Variants in MCMBP observed in about 807,000 individuals in gnomAD.
MCMBP encodes minichromosome maintenance complex binding protein, also known as mini-chromosome maintenance complex-binding protein.
MCMBP carries 31 observed loss-of-function variants against 81.3 expected under a neutral mutation model. The observed-to-expected ratio is 0.38, with a 90% confidence interval of 0.29 to 0.51. MCMBP has a LOEUF of 0.51. Among genes scored for constraint, MCMBP ranks in the 20% least tolerant of loss-of-function variants. MCMBP has a pLI of 0.87. For missense variants in MCMBP, 645 were observed against 772.1 expected (o/e 0.84, Z 1.95); for synonymous variants, 267 against 275.9 (o/e 0.97, Z 0.32).
rs1446430868 is a variant in MCMBP at position 119,843,257 on chromosome 10, T to C, written c.997A>G (p.Thr333Ala). 6.2e-7 allele frequency: 1 copy of C among 1,613,500 alleles called. No homozygotes were observed. The highest frequency in any genetic ancestry group is 2.2e-5 in the East Asian group (1 of 44,836). Reference sequence around the variant, plus strand: ...AGGCTGTAACACTTACACTTACAGGTTTTGCTCTCCTCTTTGTTAAGGCAG... The same window carrying C: ...AGGCTGTAACACTTACACTTACAGGCTTTGCTCTCCTCTTTGTTAAGGCAG... The part of the protein sequence containing the change: ...PACLNKEESK[T>A]FVSSFMSELS... Residue 333 changes from threonine to alanine, a missense_variant, in exon 9 of 16, where the codon ACC becomes GCC. By Grantham distance (58) the Thr-to-Ala change is moderately conservative. Transcript: ENST00000369077.
intron 2 of MCMBP, 55 bp downstream of exon 2, chr10:119,859,744 A>C: frequency 4.2e-6 from 5 of 1,199,344 alleles, no homozygotes; most frequent in Non-Finnish European, 4.8e-6. Flanking sequence ...TACTCTACTA[A>C]GAGAAACTGT....
At chr10:119,847,236 TAAGAAAGAAC>T (rs1056486895) in intron 8 of MCMBP, among the ~76,000 whole-genome samples, 1 of 152,094 alleles carries the variant, frequency 6.6e-6, no homozygotes, top group Admixed American at 6.5e-5. Flanking sequence ...GGGAGACGTG[TAAGAAAGAAC>T]ATGATTAAGA....
At chr10:119,839,936 G>C (rs552228018) in intron 11 of MCMBP, among the ~76,000 whole-genome samples, 4 of 152,312 alleles carry the variant, frequency 2.6e-5, no homozygotes, top group African/African-American at 9.6e-5. Flanking sequence ...GGCAGAAGCA[G>C]ATACAAGCAT....
chr10:119,847,745 A>C, intron 7 of MCMBP, 32 bp from the exon 8 acceptor site: 1 of 1,299,022 alleles, frequency 7.7e-7, no homozygotes. Context: ...TCACACTGTT[A>C]GAACAGACAC....
chr10:119,860,267 T>A (rs895597199), intron 1 of MCMBP, among the ~76,000 whole-genome samples: 2 of 152,244 alleles, frequency 1.3e-5, no homozygotes, highest in African/African-American at 4.8e-5. Flanking sequence ...GTAGTTTTTT[T>A]ATCTTTACAA....
intron 1 of MCMBP, among the ~76,000 whole-genome samples, chr10:119,863,138 C>A (rs923778197): frequency 6.6e-6 from 1 of 151,892 alleles, no homozygotes; most frequent in African/African-American, 2.4e-5. Flanking sequence ...TTTTACAGAA[C>A]AAAGGTTTTT....
intron 14 of MCMBP, among the ~76,000 whole-genome samples, chr10:119,833,256 C>T (rs954510463): frequency 6.6e-6 from 1 of 152,002 alleles, no homozygotes; most frequent in African/African-American, 2.4e-5. Flanking sequence ...AACAACCTAC[C>T]AACAGTAACA....
chr10:119,832,990 A>G (rs1852100885), intron 14 of MCMBP, among the ~76,000 whole-genome samples: 1 of 152,212 alleles, frequency 6.6e-6, no homozygotes, highest in African/African-American at 2.4e-5. Flanking sequence ...CCACCTCTGC[A>G]TGACCTGGAG....
rs34585283 is a variant in MCMBP at position 119,867,272 on chromosome 10, G to A, written c.58+5255C>T. Among the ~76,000 whole-genome samples the A allele has an allele frequency of 9.9e-3, 1,185 of 119,110 alleles. 22 individuals are homozygous for A. The highest frequency in any genetic ancestry group is 0.038 in the African/African-American group (1,131 of 30,150). 78.1% of individuals were successfully genotyped at this position (119,110 alleles called of 152,430 possible). On this transcript the variant is annotated intron_variant, in intron 1 of 15. Transcript: ENST00000369077. ...CGCACCACTGCCCTCCAGCCTGGGC[G>A]ACAGAGCGAGACTCCATCTCAAAAA...
chr10:119,860,320 C>A (rs555291586), intron 1 of MCMBP, among the ~76,000 whole-genome samples: 1 of 152,252 alleles, frequency 6.6e-6, no homozygotes, highest in African/African-American at 2.4e-5. Flanking sequence ...TTTATAACTT[C>A]ATTTGGGAAT....
intron 1 of MCMBP, among the ~76,000 whole-genome samples, chr10:119,863,484 C>T (rs1031638854): frequency 2.0e-5 from 3 of 152,072 alleles, no homozygotes; most frequent in African/African-American, 7.2e-5. Context: ...GTAATCCCAG[C>T]ACTTTGGGAG....
intron 6 of MCMBP, among the ~76,000 whole-genome samples, chr10:119,851,518 G>A (rs1188730999): frequency 1.2e-4 from 18 of 151,950 alleles, no homozygotes; most frequent in African/African-American, 3.9e-4. Context: ...TGCAACCTCC[G>A]CCCCTCTGGG....
chr10:119,862,258 G>C (rs1273614762), intron 1 of MCMBP, among the ~76,000 whole-genome samples: 1 of 152,100 alleles, frequency 6.6e-6, no homozygotes, highest in East Asian at 1.9e-4. Context: ...AGTGGGCCAA[G>C]ATTGCCCCAT....
In MCMBP at chr10:119,864,723, G is replaced by A. The variant is rs554995314; in HGVS notation, c.59-4839C>T. Among the ~76,000 whole-genome samples, 291 of 113,172 alleles carry A rather than the reference G, an allele frequency of 2.6e-3. 1 individual carries two copies. The highest frequency in any genetic ancestry group is 4.2e-3 in the Non-Finnish European group (218 of 51,468). The allele number at this position is 113,172 out of a possible 152,430, so 74.2% of individuals were successfully genotyped here. A position where few individuals can be genotyped will look rare whatever the true frequency, so the allele number is the denominator to read the frequency against. Reference sequence around the variant, plus strand: ...GCTCTTCATTTCTAGTTTCATAGGTGGAAGCTTAAATTATTCACTTGAGAC... The same window carrying A: ...GCTCTTCATTTCTAGTTTCATAGGTAGAAGCTTAAATTATTCACTTGAGAC... On this transcript the variant is annotated intron_variant, in intron 1 of 15. Coordinates refer to ENST00000369077, the MANE Select transcript of MCMBP (RefSeq NM_001256378.2).
In MCMBP at chr10:119,836,976, A is replaced by G; in HGVS notation, c.1462T>C (p.Tyr488His). ...TCCATCTGATGGTAGCTGAAGTCATAATCCACCTTCTGCCACGTTATGAGG... is the reference window on the plus strand; with the variant it reads ...TCCATCTGATGGTAGCTGAAGTCATGATCCACCTTCTGCCACGTTATGAGG... Reference protein sequence around the residue: ...SNLITWQKVDYDFSYHQMEFP... With the variant: ...SNLITWQKVDHDFSYHQMEFP... The change falls in exon 13 of 16, where the codon TAT (tyrosine) becomes CAT (histidine). Residue 488 changes from tyrosine to histidine, a missense_variant. Physicochemically the swap from Tyr to His is moderately conservative, Grantham distance 83. Transcript: ENST00000369077. 1 of 1,613,918 alleles carries G rather than the reference A, an allele frequency of 6.2e-7. No individual in the cohort carries two copies. The highest frequency in any genetic ancestry group is 8.5e-7 in the Non-Finnish European group (1 of 1,179,890).
At position 119,830,693 on chromosome 10, in the gene MCMBP, CATTCCGTTTAAAGG is replaced by C. The variant is rs1196518018; in HGVS notation, c.*767_*780del. ...TTCTTTTGCCCCCAAAAGCCACATT[CATTCCGTTTAAAGG>C]ACTCCTCTTATTCAGAGATAGATTG... On this transcript the variant is annotated 3_prime_UTR_variant, in exon 16 of 16. Coordinates refer to ENST00000369077, the MANE Select transcript of MCMBP (RefSeq NM_001256378.2). The C allele has an allele frequency of 1.3e-5, 2 of 152,560 alleles. No individual in the cohort carries two copies. The highest frequency in any genetic ancestry group is 2.9e-5 in the Non-Finnish European group (2 of 68,026). The allele number at this position is 152,560 out of a possible 1,614,324, so 9.5% of individuals were successfully genotyped here.
At chr10:119,835,856 T>A in intron 13 of MCMBP, 152 bp from the exon 14 acceptor site, 1 of 874,100 alleles carries the variant, frequency 1.1e-6, no homozygotes. Flanking sequence ...TTTCTGTGTG[T>A]GAGACAGGGT....
intron 1 of MCMBP, among the ~76,000 whole-genome samples, chr10:119,864,239 T>C (rs1853368777): frequency 6.6e-6 from 1 of 152,254 alleles, no homozygotes. Flanking sequence ...CTGTCAACAA[T>C]TTGATTTTAT....
intron 1 of MCMBP, among the ~76,000 whole-genome samples, chr10:119,866,416 A>G (rs1308697286): frequency 6.6e-6 from 1 of 152,206 alleles, no homozygotes; most frequent in Non-Finnish European, 1.5e-5. Flanking sequence ...ACCTGAGATC[A>G]GGAGTTCAAG....
Sources: gnomAD v4.1 joint callset for allele counts (sites outside exome capture counted in the v4.1 genomes callset) on GRCh38, gnomAD v4.1.1 for gene constraint, MANE v1.5 for transcripts, NCBI Gene and HGNC (gene_info 2026-07-23, HGNC 2026-07-21) for gene names.